RAB6B: variants seen among roughly 807,000 people sequenced by gnomAD.
RAB6B encodes ras-related protein Rab-6B.
RAB6B carries 7 observed loss-of-function variants against 31.2 expected under a neutral mutation model. The ratio of observed to expected loss-of-function variants is 0.22; its 90% CI spans 0.13 to 0.42. The LOEUF (loss-of-function observed/expected upper bound fraction) is 0.42, where lower values mean the gene tolerates loss of function less well. Among genes scored for constraint, RAB6B ranks in the 10% least tolerant of loss-of-function variants. The pLI is 1.00. For synonymous variants in RAB6B, 105 were observed against 104.9 expected (o/e 1.00, Z -0.01); for missense variants, 149 against 280.6 (o/e 0.53, Z 3.35).
At chr3:133,854,730 T>A (rs1237467774) in intron 2 of RAB6B, among the ~76,000 whole-genome samples, 2 of 152,158 alleles carry the variant, frequency 1.3e-5, no homozygotes, top group South Asian at 2.1e-4. Flanking sequence ...TCTACAGGGG[T>A]TCAGACATAC....
At chr3:133,893,127 C>T (rs1042475752) in intron 1 of RAB6B, among the ~76,000 whole-genome samples, 3 of 152,196 alleles carry the variant, frequency 2.0e-5, no homozygotes, top group Admixed American at 1.3e-4. Context: ...TGCTCCTTAC[C>T]AACTACTCAG....
At chr3:133,839,273 C>T (rs574441417) in intron 5 of RAB6B, among the ~76,000 whole-genome samples, 15 of 152,192 alleles carry the variant, frequency 9.9e-5, no homozygotes, top group South Asian at 4.1e-4. Flanking sequence ...AGACAGCAAA[C>T]GGAGAAGTGC....
chr3:133,856,842 T>C (rs1038172079), intron 2 of RAB6B, among the ~76,000 whole-genome samples: 1 of 152,198 alleles, frequency 6.6e-6, no homozygotes, highest in Non-Finnish European at 1.5e-5. Context: ...GGCAGGGTCA[T>C]CTTGCCAGAG....
At chr3:133,894,096 A>G (rs1227602494) in intron 1 of RAB6B, among the ~76,000 whole-genome samples, 1 of 152,244 alleles carries the variant, frequency 6.6e-6, no homozygotes, top group Non-Finnish European at 1.5e-5. Context: ...ATGTACACAC[A>G]GCACAGTAGC....
At chr3:133,854,121 G>A (rs1414641421) in intron 2 of RAB6B, among the ~76,000 whole-genome samples, 1 of 152,180 alleles carries the variant, frequency 6.6e-6, no homozygotes, top group Non-Finnish European at 1.5e-5. Flanking sequence ...GAAGAAACAC[G>A]AACCCAATGT....
At chr3:133,878,277 A>C (rs74358226) in intron 1 of RAB6B, among the ~76,000 whole-genome samples, 3 of 152,222 alleles carry the variant, frequency 2.0e-5, no homozygotes, top group African/African-American at 7.2e-5. Flanking sequence ...AAAAATCATA[A>C]AAGTAGTCAG....
At chr3:133,890,728 T>C (rs1936625201) in intron 1 of RAB6B, among the ~76,000 whole-genome samples, 1 of 152,144 alleles carries the variant, frequency 6.6e-6, no homozygotes, top group South Asian at 2.1e-4. Context: ...CAAATCAAGA[T>C]ACTTAATAAG....
At chr3:133,870,082 G>A (rs537663383) in intron 1 of RAB6B, among the ~76,000 whole-genome samples, 137 of 152,284 alleles carry the variant, frequency 9.0e-4, no homozygotes, top group Non-Finnish European at 1.2e-3. Context: ...GAAGAAATAC[G>A]TGAGACTGGG....
At chr3:133,856,076 A>C (rs1158282426) in intron 2 of RAB6B, among the ~76,000 whole-genome samples, 2 of 152,122 alleles carry the variant, frequency 1.3e-5, no homozygotes, top group African/African-American at 4.8e-5. Flanking sequence ...AGAATGGAAA[A>C]AGCAATAGTC....
At chr3:133,881,406 T>C (rs574944915) in intron 1 of RAB6B, among the ~76,000 whole-genome samples, 1 of 152,326 alleles carries the variant, frequency 6.6e-6, no homozygotes, top group East Asian at 1.9e-4. Context: ...CTCTTCTTAC[T>C]CCTGCTTTTG....
In RAB6B at chr3:133,856,497, T is replaced by C. The variant is rs556283288; in HGVS notation, c.129+8087A>G. Among the ~76,000 whole-genome samples the C allele has an allele frequency of 7.9e-5, 12 of 152,250 alleles. No individual in the cohort carries two copies. The East Asian group carries it at 1.2e-3, about 15-fold the overall frequency. ...CAAGCAGACTGCTGCTTGTGTCTTA[T>C]TGGCCAGAATTGAGTCATATCATTA... On this transcript the variant is annotated intron_variant, in intron 2 of 7. Transcript: ENST00000285208.
chr3:133,879,496 G>T (rs1037271570), intron 1 of RAB6B, among the ~76,000 whole-genome samples: 1 of 152,088 alleles, frequency 6.6e-6, no homozygotes, highest in African/African-American at 2.4e-5. Context: ...CAGTGGCCAG[G>T]GTCCATGTGT....
chr3:133,889,504 G>A (rs7641134), intron 1 of RAB6B, among the ~76,000 whole-genome samples: 13,397 of 143,134 alleles, frequency 0.094, 705 homozygotes, highest in South Asian at 0.23. Context: ...GTGCCATCTC[G>A]GCTCACTGAA....
chr3:133,859,428 G>C (rs978079691), intron 2 of RAB6B, among the ~76,000 whole-genome samples: 4 of 152,126 alleles, frequency 2.6e-5, no homozygotes, highest in Non-Finnish European at 5.9e-5. Flanking sequence ...TCCTGGGTTG[G>C]GGGTGGGTGT....
intron 2 of RAB6B, among the ~76,000 whole-genome samples, chr3:133,856,415 C>T (rs1048258280): frequency 1.3e-5 from 2 of 151,978 alleles, no homozygotes; most frequent in Admixed American, 1.3e-4. Context: ...CTCCAGACAT[C>T]ACATCCACAT....
intron 2 of RAB6B, among the ~76,000 whole-genome samples, chr3:133,864,226 T>A (rs72976372): frequency 0.11 from 16,322 of 151,098 alleles, 1,413 homozygotes; most frequent in East Asian, 0.46. Context: ...CAACCATGCA[T>A]GAGGCGCAAG....
chr3:133,846,785 T>A (rs1935914295), intron 2 of RAB6B, among the ~76,000 whole-genome samples: 1 of 152,152 alleles, frequency 6.6e-6, no homozygotes, highest in South Asian at 2.1e-4. Flanking sequence ...GGGAACAACG[T>A]CTCTAAACTG....
rs919133264 is a variant in RAB6B at position 133,828,293 on chromosome 3, G to A, written c.*495C>T. Reference sequence around the variant, plus strand: ...TAGAGAGTGGGGCCAGATGGCCCCAGACTGAAGCCTAATTAATTTGCTCAG... The same window carrying A: ...TAGAGAGTGGGGCCAGATGGCCCCAAACTGAAGCCTAATTAATTTGCTCAG... On this transcript the variant is annotated 3_prime_UTR_variant, in exon 8 of 8. Coordinates refer to ENST00000285208, the MANE Select transcript of RAB6B (RefSeq NM_016577.4). 156 of 421,524 alleles carry A rather than the reference G, an allele frequency of 3.7e-4. 2 individuals are homozygous for A. In the South Asian group the frequency reaches 4.4e-3, roughly 12 times the overall value. 26.1% of individuals were successfully genotyped at this position (421,524 alleles called of 1,614,324 possible). A position where few individuals can be genotyped will look rare whatever the true frequency, so the allele number is the denominator to read the frequency against.
intron 1 of RAB6B, among the ~76,000 whole-genome samples, chr3:133,895,076 C>T (rs965177350): frequency 3.9e-4 from 59 of 152,294 alleles, no homozygotes; most frequent in African/African-American, 1.4e-3. Context: ...CCAGCGAGCC[C>T]GGTTCCTTCA....
Sources: gnomAD v4.1 joint callset for allele counts (sites outside exome capture counted in the v4.1 genomes callset) on GRCh38, gnomAD v4.1.1 for gene constraint, MANE v1.5 for transcripts, NCBI Gene and HGNC (gene_info 2026-07-23, HGNC 2026-07-21) for gene names.